Variants in BATF observed in about 807,000 individuals in gnomAD.
BATF encodes the protein basic leucine zipper ATF-like transcription factor, also known as basic leucine zipper transcriptional factor ATF-like.
In BATF, 5 loss-of-function variants were observed where a neutral mutation model predicts 13.7. The ratio of observed to expected loss-of-function variants is 0.36; its 90% CI spans 0.19 to 0.77. The LOEUF is 0.77. Ranked by LOEUF, BATF falls within the 30% of genes least tolerant of loss-of-function variation. BATF has a pLI of 0.51. For missense variants in BATF, 124 were observed against 163.0 expected (o/e 0.76, Z 1.30); for synonymous variants, 72 against 67.5 (o/e 1.07, Z -0.33).
intron 2 of BATF, among the ~76,000 whole-genome samples, chr14:75,534,399 C>T (rs1313292147): frequency 1.3e-5 from 2 of 152,200 alleles, no homozygotes; most frequent in African/African-American, 2.4e-5. Flanking sequence ...ACTGATACTT[C>T]GAGTCCGATA....
chr14:75,541,675 GT>G (rs1485837753), intron 2 of BATF, among the ~76,000 whole-genome samples: 2 of 152,038 alleles, frequency 1.3e-5, no homozygotes, highest in Non-Finnish European at 2.9e-5. Flanking sequence ...GTTTTGTTTT[GT>G]TTTTTGAGAC....
intron 2 of BATF, among the ~76,000 whole-genome samples, chr14:75,535,603 C>T (rs1313443615): frequency 6.6e-6 from 1 of 152,110 alleles, no homozygotes; most frequent in African/African-American, 2.4e-5. Flanking sequence ...TACAAAGAGA[C>T]AATATTACTG....
intron 2 of BATF, among the ~76,000 whole-genome samples, chr14:75,536,540 A>G (rs1887818863): frequency 6.6e-6 from 1 of 152,048 alleles, no homozygotes; most frequent in African/African-American, 2.4e-5. Context: ...AGCCTGAGCA[A>G]CACAGTGAAA....
At chr14:75,534,420 G>T (rs540795409) in intron 2 of BATF, among the ~76,000 whole-genome samples, 2 of 152,266 alleles carry the variant, frequency 1.3e-5, no homozygotes, top group African/African-American at 4.8e-5. Context: ...ATTCTTTGTT[G>T]TTGGGGATTG....
chr14:75,533,165 A>T (rs1446503133), intron 2 of BATF, among the ~76,000 whole-genome samples: 1 of 152,142 alleles, frequency 6.6e-6, no homozygotes, highest in Admixed American at 6.5e-5. Context: ...GCTGGTGTTG[A>T]TGCTGTAAAG....
chr14:75,541,173 G>A (rs374073787), intron 2 of BATF, among the ~76,000 whole-genome samples: 7 of 152,160 alleles, frequency 4.6e-5, no homozygotes, highest in East Asian at 1.9e-4. Context: ...CACCTTTTTC[G>A]TATAAATTGA....
In BATF at chr14:75,522,860, C is replaced by T. The variant is rs536595556; in HGVS notation, c.63+115C>T. 864 of 1,269,402 alleles carry T rather than the reference C, an allele frequency of 6.8e-4. 13 individuals carry two copies. The South Asian group carries it at 7.7e-3, about 11-fold the overall frequency. 78.6% of individuals were successfully genotyped at this position (1,269,402 alleles called of 1,614,324 possible). A position where few individuals can be genotyped will look rare whatever the true frequency, so the allele number is the denominator to read the frequency against. ...AGGATGGAGGAAGTGGCTCGTTGCA[C>T]GGGCACTCTGTTAGACTTAGGACAT... On this transcript the variant is annotated intron_variant, in intron 1 of 2. Coordinates refer to ENST00000286639, the MANE Select transcript of BATF (RefSeq NM_006399.5).
At position 75,546,777 on chromosome 14, in the gene BATF, G is replaced by A. The variant is rs1417055850; in HGVS notation, c.*106G>A. On this transcript the variant is annotated 3_prime_UTR_variant, in exon 3 of 3. Coordinates refer to ENST00000286639, the MANE Select transcript of BATF (RefSeq NM_006399.5). ...GTCCACCTGGAGACCCGGAGACAGA[G>A]GCCTGGACAAGGAGTGAACACGGGA... is the stretch of plus-strand genomic sequence containing the variant. The A allele has an allele frequency of 7.4e-7, 1 of 1,356,702 alleles. No individual in the cohort carries two copies. The highest frequency in any genetic ancestry group is 2.2e-5 in the Admixed American group (1 of 46,242). 84.0% of individuals were successfully genotyped at this position (1,356,702 alleles called of 1,614,324 possible).
chr14:75,532,931 G>A (rs1345833665), intron 2 of BATF, among the ~76,000 whole-genome samples: 1 of 152,194 alleles, frequency 6.6e-6, no homozygotes, highest in African/African-American at 2.4e-5. Flanking sequence ...GTTATGAGTG[G>A]TTGAGTTTGG....
At chr14:75,544,792 A>ATTTTTTT (rs55834315) in intron 2 of BATF, among the ~76,000 whole-genome samples, 6 of 134,226 alleles carry the variant, frequency 4.5e-5, no homozygotes, top group Non-Finnish European at 4.7e-5. Context: ...TTGAACTGAA[A>ATTTTTTT]TTTTTTTTTT....
intron 2 of BATF, among the ~76,000 whole-genome samples, chr14:75,538,418 C>T (rs10149940): frequency 0.042 from 6,421 of 152,208 alleles, 464 homozygotes; most frequent in African/African-American, 0.15. Flanking sequence ...TAAGGCTCTC[C>T]GGGTGCTGGC....
rs371637752 is a variant in BATF at position 75,544,211 on chromosome 14, T to C, written c.169-2251T>C. 1.9e-3 allele frequency among the ~76,000 whole-genome samples: 292 copies of C among 152,232 alleles called. 5 individuals are homozygous for C. The South Asian group carries it at 0.048, about 25-fold the overall frequency. ...CTGTGGCACTAGTTAAAAATCCAAA[T>C]TTCACTCCCTAGTAGTCTAGTGGCT... On this transcript the variant is annotated intron_variant, in intron 2 of 2. Transcript: ENST00000286639.
At chr14:75,532,128 G>C (rs1887743563) in intron 2 of BATF, among the ~76,000 whole-genome samples, 1 of 152,158 alleles carries the variant, frequency 6.6e-6, no homozygotes, top group Non-Finnish European at 1.5e-5. Context: ...CTTGCATTAA[G>C]TAACTTGATG....
Position 75,546,706 on chromosome 14 carries a change from G to C in BATF, c.*35G>C. 1 of 1,525,710 alleles carries C rather than the reference G, an allele frequency of 6.6e-7. No homozygotes were observed. The highest frequency in any genetic ancestry group is 2.4e-5 in the East Asian group (1 of 40,898). 94.5% of individuals were successfully genotyped at this position (1,525,710 alleles called of 1,614,324 possible). A position where few individuals can be genotyped will look rare whatever the true frequency, so the allele number is the denominator to read the frequency against. ...GCGGGGAGAGCAGAGCCTCGGGAGG[G>C]GCACACAGACTGTGGCAGAGCTGCG... is the stretch of plus-strand genomic sequence containing the variant. On this transcript the variant is annotated 3_prime_UTR_variant, in exon 3 of 3. Transcript: ENST00000286639.
In BATF at chr14:75,546,627, G is replaced by A. The variant is rs757181820; in HGVS notation, c.334G>A (p.Ala112Thr). Residue 112 changes from alanine (A) to threonine (T), a missense_variant, in exon 3 of 3, where the codon GCA (alanine) becomes ACA (threonine). Ala to Thr is a moderately conservative substitution (Grantham distance 58, BLOSUM62 0). Around this residue, in one of 2 missense-constraint regions of BATF, gnomAD observed 59 missense variants for 49.7 expected, o/e 1.19. Transcript: ENST00000286639. Reference sequence around the variant, plus strand: ...CCCCGAGGTGGTGTACAGCGCCCACGCATTCCACCAACCTCATGTCAGCTC... The same window carrying A: ...CCCCGAGGTGGTGTACAGCGCCCACACATTCCACCAACCTCATGTCAGCTC... The part of the protein sequence containing the change: ...SPPEVVYSAH[A>T]FHQPHVSSPR... The A allele has an allele frequency of 3.4e-5, 55 of 1,612,700 alleles. No homozygotes were observed. The highest frequency in any genetic ancestry group is 4.5e-5 in the Non-Finnish European group (53 of 1,179,446).
chr14:75,542,538 G>A (rs1054034017), intron 2 of BATF, among the ~76,000 whole-genome samples: 1 of 152,250 alleles, frequency 6.6e-6, no homozygotes, highest in Non-Finnish European at 1.5e-5. Flanking sequence ...CTTCAGCTGG[G>A]CGAGCCCTTT....
chr14:75,546,270 C>T (rs955270596), intron 2 of BATF, among the ~76,000 whole-genome samples, 192 bp from the exon 3 acceptor site: 6 of 152,174 alleles, frequency 3.9e-5, no homozygotes, highest in Non-Finnish European at 5.9e-5. Context: ...CTTACGTAAA[C>T]GCGCCCATAC....
chr14:75,540,961 C>T (rs1887887526), intron 2 of BATF, among the ~76,000 whole-genome samples: 1 of 152,060 alleles, frequency 6.6e-6, no homozygotes, highest in Admixed American at 6.6e-5. Context: ...TTGGCGGGCA[C>T]CTGTAACCCC....
chr14:75,538,863 T>C (rs779334106), intron 2 of BATF, among the ~76,000 whole-genome samples: 3 of 152,236 alleles, frequency 2.0e-5, no homozygotes, highest in African/African-American at 4.8e-5. Context: ...ATCGTGCCAC[T>C]GCACTCCAGC....
Sources: gnomAD v4.1 joint callset for allele counts (sites outside exome capture counted in the v4.1 genomes callset) on GRCh38, gnomAD v4.1.1 for gene constraint, gnomAD v4.1.1 regional missense constraint, MANE v1.5 for transcripts, NCBI Gene and HGNC (gene_info 2026-07-23, HGNC 2026-07-21) for gene names.